INTS6: variants seen among roughly 807,000 people sequenced by gnomAD.
INTS6 encodes DEAD box protein.
Under a neutral mutation model 104.9 loss-of-function variants are expected in INTS6, and 16 were observed. That is an observed-to-expected ratio of 0.15 (90% confidence interval 0.10 to 0.23). INTS6 has a LOEUF of 0.23. INTS6 is among the 10% of genes least tolerant of loss of function. The pLI, the probability that INTS6 is intolerant of heterozygous loss-of-function variation, is 1.00. For missense variants in INTS6, 584 were observed against 1,062.8 expected (o/e 0.55, Z 6.26); for synonymous variants, 324 against 358.7 (o/e 0.90, Z 1.09).
the INTS6 span, among the ~76,000 whole-genome samples, chr13:51,342,037 G>T: frequency 6.6e-6 from 1 of 152,130 alleles, no homozygotes; most frequent in African/African-American, 2.4e-5. Context: ...TGCCAGGTCA[G>T]CTTCCCCTCT....
At chr13:51,384,774 A>G in intron 7 of INTS6, 2 of 444,830 alleles carry the variant, frequency 4.5e-6, no homozygotes, top group Admixed American at 4.9e-5. Context: ...GGTAGTCATT[A>G]CTAGTTGCTG....
At chr13:51,360,159 A>C (rs996740831), downstream of INTS6, among the ~76,000 whole-genome samples, 2 of 152,070 alleles carry the variant, frequency 1.3e-5, no homozygotes. Context: ...GTGCGTGACA[A>C]ACACAAACCA....
At chr13:51,425,874 T>C (rs1478103768) in intron 4 of INTS6, among the ~76,000 whole-genome samples, 3 of 151,966 alleles carry the variant, frequency 2.0e-5, no homozygotes, top group Admixed American at 1.3e-4. Flanking sequence ...AGGAAGTAAG[T>C]AATATAGTTT....
At chr13:51,371,864 G>T (rs756845309) in intron 15 of INTS6, among the ~76,000 whole-genome samples, 2 of 151,986 alleles carry the variant, frequency 1.3e-5, no homozygotes, top group Non-Finnish European at 1.5e-5. Flanking sequence ...TAACTAAATT[G>T]CACACACCCT....
intron 5 of INTS6, among the ~76,000 whole-genome samples, chr13:51,391,702 T>C (rs1956248482): frequency 6.6e-6 from 1 of 152,118 alleles, no homozygotes; most frequent in African/African-American, 2.4e-5. Flanking sequence ...TCAAACTAAA[T>C]ATAGTGAGTC....
At chr13:51,398,040 T>C (rs1956372453) in intron 4 of INTS6, among the ~76,000 whole-genome samples, 1 of 152,194 alleles carries the variant, frequency 6.6e-6, no homozygotes, top group African/African-American at 2.4e-5. Flanking sequence ...TTTTTATTTA[T>C]TTTTCTATTG....
Position 51,363,695 on chromosome 13 carries a change from G to GA in INTS6, c.*2056dup. The GA allele has an allele frequency of 6.6e-6, 1 of 150,708 alleles. No homozygotes were observed. The highest frequency in any genetic ancestry group is 1.9e-4 in the East Asian group (1 of 5,148). The allele number at this position is 150,708 out of a possible 1,614,324, so 9.3% of individuals were successfully genotyped here. A position where few individuals can be genotyped will look rare whatever the true frequency, so the allele number is the denominator to read the frequency against. On this transcript the variant is annotated 3_prime_UTR_variant, in exon 18 of 18. Coordinates refer to ENST00000311234, the MANE Select transcript of INTS6 (RefSeq NM_012141.3). The stretch of plus-strand genomic sequence containing the variant: ...TAATATACCCATTTTTTTTTTAAAT[G>GA]AAAAAAGCCTGAGGGAGATGAGATA...
chr13:51,428,630 A>G (rs1341866474), intron 4 of INTS6, among the ~76,000 whole-genome samples: 1 of 152,058 alleles, frequency 6.6e-6, no homozygotes, highest in African/African-American at 2.4e-5. Context: ...GGCTAAAATG[A>G]ATTTTTATTG....
At chr13:51,382,316 A>T (rs1956066594) in intron 9 of INTS6, among the ~76,000 whole-genome samples, 193 bp from the exon 10 acceptor site, 1 of 152,254 alleles carries the variant, frequency 6.6e-6, no homozygotes, top group Admixed American at 6.5e-5. Flanking sequence ...TTATGGTCTA[A>T]AAGTACATGC....
intron 6 of INTS6, 100 bp downstream of exon 6, chr13:51,389,219 G>T: frequency 1.3e-5 from 16 of 1,244,176 alleles, no homozygotes; most frequent in South Asian, 4.8e-5. Flanking sequence ...TAATAATTTG[G>T]CCTTGCCTAT....
At chr13:51,383,876 A>G in intron 7 of INTS6, 135 bp from the exon 8 acceptor site, 1 of 583,438 alleles carries the variant, frequency 1.7e-6, no homozygotes, top group Non-Finnish European at 2.8e-6. Context: ...AGCAACATTA[A>G]GCTGAAAGGA....
At position 51,387,419 on chromosome 13, in the gene INTS6, C is replaced by T. The variant is rs372007586; in HGVS notation, c.861G>A (p.Glu287=). Residue 287 remains glutamate (E), a synonymous_variant, in exon 7 of 18, where the codon GAG becomes GAA. Transcript: ENST00000311234. ...GCGAATTTTGATCTGGCCAAAAAGA[C>T]TCTGGAACAGGCCAATGACCTATAG... The part of the protein sequence containing the change: ...GVPIGHWPVP[E]SFWPDQNSPT... The T allele has an allele frequency of 1.2e-6, 2 of 1,612,844 alleles. No homozygotes were observed. Among genetic ancestry groups the T allele is most frequent in the Non-Finnish European group, 1.7e-6 (2 of 1,179,276 alleles).
At chr13:51,360,153 G>A (rs1453357660), downstream of INTS6, among the ~76,000 whole-genome samples, 1 of 152,032 alleles carries the variant, frequency 6.6e-6, no homozygotes, top group Non-Finnish European at 1.5e-5. Flanking sequence ...CTGTGTGTGC[G>A]TGACAAACAC....
rs556304357 is a variant in INTS6, at chr13:51,361,636, T to G, written c.*4116A>C. 3.1e-5 allele frequency: 19 copies of G among 620,150 alleles called. No individual in the cohort carries two copies. The African/African-American group carries it at 3.5e-4, about 11-fold the overall frequency. 38.4% of individuals were successfully genotyped at this position (620,150 alleles called of 1,614,324 possible). ...GTTGAAAACAGGAGACAGGATTGGC[T>G]AAATGGCATCTTTTCTCTTTAATTT... On this transcript the variant is annotated 3_prime_UTR_variant, in exon 18 of 18. Transcript: ENST00000311234.
intron 4 of INTS6, among the ~76,000 whole-genome samples, chr13:51,399,727 T>G (rs1956402500): frequency 6.6e-6 from 1 of 152,010 alleles, no homozygotes; most frequent in Non-Finnish European, 1.5e-5. Flanking sequence ...TGTGTGCGTG[T>G]GTGTGCGTGT....
chr13:51,394,120 G>A (rs1956292784), intron 5 of INTS6, among the ~76,000 whole-genome samples: 1 of 151,566 alleles, frequency 6.6e-6, no homozygotes, highest in Non-Finnish European at 1.5e-5. Context: ...CCCTCCCACA[G>A]AAAAAAATAC....
the INTS6 span, among the ~76,000 whole-genome samples, chr13:51,336,302 A>ACCC: frequency 6.6e-6 from 1 of 152,204 alleles, no homozygotes; most frequent in East Asian, 1.9e-4. Flanking sequence ...AACCTGGCCA[A>ACCC]CATGGCGAAA....
the INTS6 span, among the ~76,000 whole-genome samples, chr13:51,340,273 T>A: frequency 1.3e-5 from 2 of 152,182 alleles, no homozygotes; most frequent in African/African-American, 2.4e-5. Flanking sequence ...TTGAAAACAT[T>A]TTTTTACTTT....
the INTS6 span, among the ~76,000 whole-genome samples, chr13:51,334,676 C>G: frequency 6.6e-6 from 1 of 152,096 alleles, no homozygotes; most frequent in South Asian, 2.1e-4. Context: ...CAGAACTTGT[C>G]TATTATATAA....
Sources: allele counts gnomAD v4.1 joint callset (sites outside exome capture counted in the v4.1 genomes callset), GRCh38; gene constraint gnomAD v4.1.1; transcripts MANE v1.5; gene names NCBI Gene and HGNC (gene_info 2026-07-23, HGNC 2026-07-21).